ACSS3: variants seen among roughly 807,000 people sequenced by gnomAD.
The protein encoded by ACSS3 is acyl-CoA synthetase short chain family member 3, also known as acyl-CoA synthetase short-chain family member 3, mitochondrial.
Under a neutral mutation model 84.2 loss-of-function variants are expected in ACSS3, and 64 were observed. The observed-to-expected ratio is 0.76, with a 90% CI of 0.62 to 0.94. The LOEUF (loss-of-function observed/expected upper bound fraction) is 0.94. ACSS3 is among the 40% of genes least tolerant of loss of function. The probability of loss-of-function intolerance (pLI) is 0.00; values close to 1 mark genes in which losing one functional copy is unlikely to be tolerated. For synonymous variants in ACSS3, 317 were observed against 310.1 expected (o/e 1.02, Z -0.23); for missense variants, 815 against 867.6 (o/e 0.94, Z 0.76).
At chr12:81,161,527 T>C (rs951925090) in intron 7 of ACSS3, among the ~76,000 whole-genome samples, 1 of 152,260 alleles carries the variant, frequency 6.6e-6, no homozygotes, top group Non-Finnish European at 1.5e-5. Context: ...GTTTGAAAAC[T>C]TCATAGTATT....
chr12:81,125,910 C>T (rs138572552), intron 2 of ACSS3: 1 of 152,214 alleles, frequency 6.6e-6, no homozygotes, highest in African/African-American at 2.4e-5. Flanking sequence ...TTATTTTTAC[C>T]CCTATTACGC....
chr12:81,096,593 G>T lies in ACSS3; in HGVS notation c.312-12967G>T, dbSNP rs1247449767. Among the ~76,000 whole-genome samples, 3 of 152,114 alleles carry T rather than the reference G, an allele frequency of 2.0e-5. No individual in the cohort carries two copies. The East Asian group carries it at 5.8e-4, about 29-fold the overall frequency. ...CCGATCAACCGGTCATCTACATTAG[G>T]TATTTCTCCTAACGCTATCCCTCCC... On this transcript the variant is annotated intron_variant, in intron 1 of 15. Transcript: ENST00000548058.
At chr12:81,143,048 T>G (rs1886166401) in intron 4 of ACSS3, 59 bp from the exon 5 acceptor site, 1 of 1,424,758 alleles carries the variant, frequency 7.0e-7, no homozygotes, top group Admixed American at 2.1e-5. Flanking sequence ...TAGCTACTTT[T>G]TGTTCTCTTG....
chr12:81,140,408 G>C (rs1289773415), intron 4 of ACSS3, among the ~76,000 whole-genome samples: 3 of 151,640 alleles, frequency 2.0e-5, no homozygotes, highest in Non-Finnish European at 4.4e-5. Context: ...TTTTTTTGCA[G>C]AAGTGAAATT....
intron 13 of ACSS3, among the ~76,000 whole-genome samples, chr12:81,245,332 G>T (rs1053790495): frequency 6.6e-6 from 1 of 152,268 alleles, no homozygotes; most frequent in South Asian, 2.1e-4. Flanking sequence ...CGTGGTGGTG[G>T]GCGACTGTAG....
intron 2 of ACSS3, among the ~76,000 whole-genome samples, chr12:81,119,418 G>A (rs1311578742): frequency 1.3e-5 from 2 of 152,024 alleles, no homozygotes; most frequent in Non-Finnish European, 2.9e-5. Flanking sequence ...GCAGAGAACC[G>A]GTCTGACCTC....
chr12:81,181,482 A>G (rs1336604687), intron 8 of ACSS3, among the ~76,000 whole-genome samples: 1 of 152,192 alleles, frequency 6.6e-6, no homozygotes, highest in Non-Finnish European at 1.5e-5. Context: ...CAGAAACATG[A>G]AAATGCAAGG....
intron 2 of ACSS3, among the ~76,000 whole-genome samples, chr12:81,120,001 AT>A (rs1463190092): frequency 1.3e-5 from 2 of 152,272 alleles, no homozygotes; most frequent in East Asian, 3.9e-4. Flanking sequence ...TGGTCCCTCC[AT>A]TTGGGGTCCT....
chr12:81,086,651 G>A (rs769044133), intron 1 of ACSS3, among the ~76,000 whole-genome samples: 20 of 152,090 alleles, frequency 1.3e-4, no homozygotes, highest in Non-Finnish European at 2.8e-4. Context: ...CTTTTCTTTT[G>A]TCATGCCACA....
At position 81,253,670 on chromosome 12, in the gene ACSS3, G is replaced by A. The variant is rs1414140023; in HGVS notation, c.1995G>A (p.Lys665=). The change falls in exon 15 of 16, where the codon AAG becomes AAA. Residue 665 remains lysine (K), a splice_region_variant and synonymous_variant. Transcript: ENST00000548058. ...LSAIVNGKPY[K]ITSTIEDPSI... is the part of the protein sequence containing the mutation. ...CCATTGTCAATGGCAAGCCATACAA[G>A]GTAAATTATCAAAGATATTTATTCC... is the stretch of plus-strand genomic sequence containing the variant. 1 of 1,608,772 alleles carries A rather than the reference G, an allele frequency of 6.2e-7. No homozygotes were observed. Among genetic ancestry groups the A allele is most frequent in the South Asian group, 1.1e-5 (1 of 90,574 alleles).
intron 13 of ACSS3, among the ~76,000 whole-genome samples, chr12:81,243,175 A>G (rs1339800699): frequency 6.6e-6 from 1 of 152,200 alleles, no homozygotes; most frequent in African/African-American, 2.4e-5. Flanking sequence ...AGGATACAAA[A>G]TCAATGTACA....
chr12:81,138,987 C>T lies in ACSS3; in HGVS notation c.646-144C>T. The T allele has an allele frequency of 4.8e-6, 4 of 840,592 alleles. No individual in the cohort carries two copies. The East Asian group carries it at 1.1e-4, about 22-fold the overall frequency. The allele number at this position is 840,592 out of a possible 1,614,324, so 52.1% of individuals were successfully genotyped here. A position where few individuals can be genotyped will look rare whatever the true frequency, so the allele number is the denominator to read the frequency against. On this transcript the variant is annotated intron_variant, in intron 3 of 15. Coordinates refer to ENST00000548058, the MANE Select transcript of ACSS3 (RefSeq NM_024560.4). ...GTCTCTAACAATTACAAAGGGTTTA[C>T]TGGTTTTCAGACCATTCAATAGAAA...
intron 13 of ACSS3, among the ~76,000 whole-genome samples, chr12:81,245,404 G>A (rs574559921): frequency 3.3e-4 from 51 of 152,358 alleles, no homozygotes; most frequent in African/African-American, 1.2e-3. Context: ...GGAGCTTGCA[G>A]TGAGCTGAGA....
intron 1 of ACSS3, among the ~76,000 whole-genome samples, chr12:81,095,064 C>T (rs1250265939): frequency 4.6e-5 from 7 of 152,172 alleles, no homozygotes; most frequent in Non-Finnish European, 7.3e-5. Context: ...AGGCAGAGTA[C>T]ACCCTCCATT....
At chr12:81,240,829 C>A (rs2135990197) in intron 13 of ACSS3, among the ~76,000 whole-genome samples, 1 of 151,734 alleles carries the variant, frequency 6.6e-6, no homozygotes, top group African/African-American at 2.4e-5. Context: ...CTTATGATAG[C>A]AAAATATTTC....
chr12:81,170,403 T>G (rs567207788), intron 7 of ACSS3, among the ~76,000 whole-genome samples: 8 of 152,176 alleles, frequency 5.3e-5, no homozygotes, highest in Non-Finnish European at 1.2e-4. Context: ...TTAGCCACAT[T>G]ATAAATCTTG....
At position 81,162,998 on chromosome 12, in the gene ACSS3, G is replaced by A. The variant is rs187659949; in HGVS notation, c.1098+10902G>A. Among the ~76,000 whole-genome samples the A allele has an allele frequency of 1.5e-3, 235 of 152,190 alleles. 1 individual carries two copies. Among genetic ancestry groups the A allele is most frequent in the Non-Finnish European group, 2.0e-3 (138 of 68,010 alleles). ...GGGGACAGGGGCTTCCTGGGCCTCC[G>A]AGAACACAGGGATGGCTGGGTGGCT... On this transcript the variant is annotated intron_variant, in intron 7 of 15. Transcript: ENST00000548058.
At chr12:81,178,862 A>C (rs1402837749) in intron 8 of ACSS3, among the ~76,000 whole-genome samples, 1 of 152,202 alleles carries the variant, frequency 6.6e-6, no homozygotes, top group African/African-American at 2.4e-5. Flanking sequence ...AAAAGAACGA[A>C]GCCAGAGGCA....
intron 8 of ACSS3, among the ~76,000 whole-genome samples, chr12:81,178,896 T>C (rs1004868489): frequency 1.3e-5 from 2 of 152,152 alleles, no homozygotes; most frequent in Non-Finnish European, 2.9e-5. Context: ...CTTCAAACTA[T>C]ATTACAAGGC....
Sources: allele counts gnomAD v4.1 joint callset (sites outside exome capture counted in the v4.1 genomes callset), GRCh38; gene constraint gnomAD v4.1.1; transcripts MANE v1.5; gene names NCBI Gene and HGNC (gene_info 2026-07-23, HGNC 2026-07-21).